The following PCDHA6 variants were observed in gnomAD, a reference collection of about 807,000 sequenced individuals.
PCDHA6 encodes the protein protocadherin alpha-6.
Under a neutral mutation model 60.3 loss-of-function variants are expected in PCDHA6, and 55 were observed. The ratio of observed to expected loss-of-function variants is 0.91; its 90% CI spans 0.73 to 1.14. PCDHA6 has a LOEUF of 1.14. PCDHA6 is among the 50% of genes most tolerant of loss of function. The probability of loss-of-function intolerance (pLI) is 0.00; values close to 1 mark genes in which losing one functional copy is unlikely to be tolerated. For missense variants in PCDHA6, 1,327 were observed against 1,256.5 expected, an observed-to-expected ratio of 1.06 and a Z score of -0.85; for synonymous variants, 652 against 557.9, an observed-to-expected ratio of 1.17 and a Z score of -2.38.
chr5:140,934,331 A>C (rs1313968911), intron 1 of PCDHA6, among the ~76,000 whole-genome samples: 1 of 152,116 alleles, frequency 6.6e-6, no homozygotes, highest in East Asian at 1.9e-4. Flanking sequence ...CATGAATGTA[A>C]TAACCACCAG....
chr5:140,843,572 T>C, intron 1 of PCDHA6: 2 of 1,595,854 alleles, frequency 1.3e-6, no homozygotes, highest in Non-Finnish European at 1.7e-6. Context: ...CTGGTCATAC[T>C]CGCAACAACA....
chr5:140,881,259 C>T (rs1285019236), intron 1 of PCDHA6: 6 of 524,478 alleles, frequency 1.1e-5, no homozygotes, highest in Non-Finnish European at 9.8e-6. Flanking sequence ...AGGTTTTACT[C>T]AGTGATGATG....
chr5:140,835,781 G>C (rs1447627598), intron 1 of PCDHA6: 3 of 1,613,162 alleles, frequency 1.9e-6, no homozygotes, highest in Non-Finnish European at 2.5e-6. Context: ...TCGTGAAGGA[G>C]AACAACCCGC....
intron 1 of PCDHA6, chr5:140,843,573 C>T (rs1380003956): frequency 6.3e-7 from 1 of 1,595,868 alleles, no homozygotes; most frequent in Admixed American, 1.7e-5. Flanking sequence ...TGGTCATACT[C>T]GCAACAACAG....
intron 1 of PCDHA6, chr5:140,882,955 C>T: frequency 6.2e-7 from 1 of 1,614,178 alleles, no homozygotes; most frequent in East Asian, 2.2e-5. Context: ...TTCAGCTGCT[C>T]ATCACGATTC....
intron 1 of PCDHA6, chr5:140,830,919 GTTTTTCTGTCGACAC>G: frequency 6.6e-6 from 1 of 152,324 alleles, no homozygotes; most frequent in Admixed American, 6.5e-5. Context: ...CCATTTCAAT[GTTTTTCTGTCGACAC>G]TTTTATTAAG....
intron 1 of PCDHA6, among the ~76,000 whole-genome samples, chr5:140,906,717 T>G (rs566025860): frequency 6.6e-6 from 1 of 152,320 alleles, no homozygotes; most frequent in African/African-American, 2.4e-5. Context: ...CTGCCTGGAT[T>G]GTGCTGTTGT....
chr5:140,917,130 C>T (rs1449410463), intron 1 of PCDHA6, among the ~76,000 whole-genome samples: 1 of 152,060 alleles, frequency 6.6e-6, no homozygotes, highest in Non-Finnish European at 1.5e-5. Flanking sequence ...AGACTCCCCA[C>T]GTTGCTCAGC....
intron 1 of PCDHA6, chr5:140,884,024 G>T: frequency 1.2e-6 from 2 of 1,613,318 alleles, no homozygotes; most frequent in South Asian, 2.2e-5. Flanking sequence ...GCGGTCGGTG[G>T]GTGCAGGCCA....
chr5:140,884,709 C>T (rs2060331114), intron 1 of PCDHA6: 1 of 1,477,632 alleles, frequency 6.8e-7, no homozygotes. Context: ...CTTTAGCCTT[C>T]CTTGCAGTTG....
intron 1 of PCDHA6, chr5:140,862,841 C>A (rs782790470): frequency 7.0e-5 from 40 of 573,022 alleles, no homozygotes; most frequent in South Asian, 4.5e-4. Flanking sequence ...GCGGGCATGC[C>A]GCCTCTGAGC....
intron 1 of PCDHA6, chr5:140,876,018 A>G: frequency 6.2e-7 from 1 of 1,613,764 alleles, no homozygotes; most frequent in East Asian, 2.2e-5. Flanking sequence ...AGCTTAAAAT[A>G]AAAACAAAAA....
intron 1 of PCDHA6, chr5:140,852,273 G>A: frequency 4.0e-6 from 2 of 502,850 alleles, no homozygotes; most frequent in Non-Finnish European, 5.3e-6. Context: ...AATATTACAT[G>A]TTTTTTGTCT....
intron 1 of PCDHA6, chr5:140,926,324 G>A (rs574950381): frequency 6.6e-6 from 1 of 152,268 alleles, no homozygotes; most frequent in Non-Finnish European, 1.5e-5. Flanking sequence ...GTGCGCCGGG[G>A]TCAGAGCGCC....
At chr5:140,870,755 A>G in intron 1 of PCDHA6, 3 of 1,613,522 alleles carry the variant, frequency 1.9e-6, no homozygotes, top group Non-Finnish European at 2.5e-6. Flanking sequence ...GTGACGCTGC[A>G]GGTGTTCGTG....
chr5:140,945,182 A>G (rs2093754559), intron 1 of PCDHA6, among the ~76,000 whole-genome samples: 1 of 152,174 alleles, frequency 6.6e-6, no homozygotes, highest in Non-Finnish European at 1.5e-5. Context: ...ATAAATCAAG[A>G]AAACCATGCT....
At chr5:140,868,380 G>T (rs2050428157) in intron 1 of PCDHA6, 1 of 152,028 alleles carries the variant, frequency 6.6e-6, no homozygotes, top group South Asian at 2.1e-4. Context: ...AGTAAAGAAT[G>T]AGAACTATAG....
chr5:140,891,345 G>T (rs2063056241), intron 1 of PCDHA6, among the ~76,000 whole-genome samples: 1 of 151,958 alleles, frequency 6.6e-6, no homozygotes, highest in Admixed American at 6.6e-5. Context: ...AGATTTTGGT[G>T]CATCCATCAC....
chr5:140,850,103 C>G (rs2150467019), intron 1 of PCDHA6: 2 of 1,596,104 alleles, frequency 1.3e-6, no homozygotes, highest in Admixed American at 3.4e-5. Flanking sequence ...TCCAGGTGAG[C>G]GCGCGCGACG....
Sources: allele counts gnomAD v4.1 joint callset (sites outside exome capture counted in the v4.1 genomes callset), GRCh38; gene constraint gnomAD v4.1.1; transcripts MANE v1.5; gene names NCBI Gene and HGNC (gene_info 2026-07-23, HGNC 2026-07-21).